Variants in PTK6 observed in about 807,000 individuals in gnomAD.
PTK6 encodes protein-tyrosine kinase 6.
In PTK6, 47 loss-of-function variants were observed where a neutral mutation model predicts 47.5. The observed-to-expected ratio is 0.99, with a 90% confidence interval of 0.78 to 1.26. The LOEUF is 1.26. Among genes scored for constraint, PTK6 ranks in the 50% most tolerant of loss-of-function variants. The pLI is 0.00. For synonymous variants in PTK6, 287 were observed against 276.5 expected (o/e 1.04, Z -0.38); for missense variants, 618 against 625.3 (o/e 0.99, Z 0.12).
At chr20:63,531,353 G>A (rs1403099529) in intron 5 of PTK6, among the ~76,000 whole-genome samples, 19 of 146,912 alleles carry the variant, frequency 1.3e-4, no homozygotes, top group African/African-American at 1.5e-4. Flanking sequence ...CCCGGGAGGC[G>A]GAGCTTGCAG....
chr20:63,532,726 C>T, intron 4 of PTK6, 39 bp from the exon 5 acceptor site: 3 of 1,597,270 alleles, frequency 1.9e-6, no homozygotes, highest in South Asian at 2.2e-5. Context: ...CAGCCCCTGA[C>T]CCCCCAGGCC....
chr20:63,532,880 CCCAGCCTGGCGTACCCACGGGGCT>C lies in PTK6; in HGVS notation c.671-217_671-194del, dbSNP rs1215297087. ...GCAGATGCAGCCGGCCCCACAGGGC[CCCAGCCTGGCGTACCCACGGGGCT>C]GTGGTGGCCACCCGATTTCTTCCTG... On this transcript the variant is annotated intron_variant, in intron 4 of 7. Transcript: ENST00000542869. Among the ~76,000 whole-genome samples, 12 of 152,314 alleles carry C rather than the reference CCCAGCCTGGCGTACCCACGGGGCT, an allele frequency of 7.9e-5. No homozygotes were observed. In the South Asian group the frequency reaches 2.5e-3, roughly 32 times the overall value.
At chr20:63,532,820 C>G (rs73150446) in intron 4 of PTK6, 133 bp from the exon 5 acceptor site, 34 of 1,236,594 alleles carry the variant, frequency 2.7e-5, no homozygotes, top group African/African-American at 6.1e-5. Context: ...CCTCCTGCCC[C>G]CGACAGGGCA....
Position 63,537,250 on chromosome 20 carries a change from C to T in PTK6, c.65G>A (p.Arg22Gln), listed in dbSNP as rs776091058. 6.2e-6 allele frequency: 10 copies of T among 1,612,240 alleles called. No homozygotes were observed. Among genetic ancestry groups the T allele is most frequent in the African/African-American group, 5.3e-5 (4 of 74,932 alleles). Residue 22 changes from arginine (R) to glutamine (Q), a missense_variant, in exon 1 of 8, where the codon CGG (arginine) becomes CAG (glutamine). Coordinates refer to ENST00000542869, the MANE Select transcript of PTK6 (RefSeq NM_005975.4). ...GCGGAAGCTCAGCTCCTCGTCCGTCCGGGACTTGAAGTCCCAGAGGCCCAC... is the reference window on the plus strand; with the variant it reads ...GCGGAAGCTCAGCTCCTCGTCCGTCTGGGACTTGAAGTCCCAGAGGCCCAC... ...KYVGLWDFKS[R>Q]TDEELSFRAG...
chr20:63,536,982 G>T (rs1036602911), intron 1 of PTK6, 103 bp downstream of exon 1: 2 of 1,261,282 alleles, frequency 1.6e-6, no homozygotes, highest in East Asian at 2.6e-5. Context: ...TGGAACCGGG[G>T]TCCCCACCTT....
chr20:63,532,763 CCA>C (rs1202200054), intron 4 of PTK6, 76 bp from the exon 5 acceptor site: 16 of 1,536,210 alleles, frequency 1.0e-5, no homozygotes, highest in Non-Finnish European at 1.3e-5. Flanking sequence ...GGCCCTGCCC[CCA>C]CACACAGCAG....
chr20:63,530,616 C>G lies in PTK6; in HGVS notation c.1014+130G>C, dbSNP rs982745519. The G allele has an allele frequency of 8.3e-7, 1 of 1,208,478 alleles. No individual in the cohort carries two copies. Among genetic ancestry groups the G allele is most frequent in the African/African-American group, 1.6e-5 (1 of 64,444 alleles). 74.9% of individuals were successfully genotyped at this position (1,208,478 alleles called of 1,614,324 possible). Reference sequence around the variant, plus strand: ...CACGGTGGCTTCCCACCTCCCTGCCCAGCCTGGGCTCCCGAGGGCAGGGGC... The same window carrying G: ...CACGGTGGCTTCCCACCTCCCTGCCGAGCCTGGGCTCCCGAGGGCAGGGGC... On this transcript the variant is annotated intron_variant, in intron 6 of 7. Transcript: ENST00000542869. The surrounding 1 kb of genome is among the most constrained non-coding windows in gnomAD (Gnocchi z 4.1).
chr20:63,534,833 T>C (rs1448152766), intron 2 of PTK6, 105 bp downstream of exon 2: 4 of 1,422,022 alleles, frequency 2.8e-6, no homozygotes, highest in South Asian at 1.4e-5. Context: ...GAGGAGCCCA[T>C]GTCCCCCGTC....
At chr20:63,532,808 G>T in intron 4 of PTK6, 121 bp from the exon 5 acceptor site, 1 of 1,307,266 alleles carries the variant, frequency 7.6e-7, no homozygotes, top group South Asian at 1.5e-5. Context: ...AGGACACACA[G>T]ACCTCCTGCC....
chr20:63,534,648 G>A (rs2082650134), intron 2 of PTK6, among the ~76,000 whole-genome samples: 1 of 152,142 alleles, frequency 6.6e-6, no homozygotes, highest in Admixed American at 6.5e-5. Context: ...GTCTCATGCT[G>A]GGCGAGGTTC....
rs6122470 is a variant in PTK6, at chr20:63,528,393, T to G, written c.*1143A>C. The G allele has an allele frequency of 6.7e-6, 1 of 150,276 alleles. No individual in the cohort carries two copies. Among genetic ancestry groups the G allele is most frequent in the Non-Finnish European group, 1.5e-5 (1 of 67,726 alleles). The allele number at this position is 150,276 out of a possible 1,614,324, so 9.3% of individuals were successfully genotyped here. ...CTTTCCAGAAACTCCCAAAATTATTTTTCTTTCTTTCTTTTTTTTTTTTTT... is the reference window on the plus strand; with the variant it reads ...CTTTCCAGAAACTCCCAAAATTATTGTTCTTTCTTTCTTTTTTTTTTTTTT... On this transcript the variant is annotated 3_prime_UTR_variant, in exon 8 of 8. Coordinates refer to ENST00000542869, the MANE Select transcript of PTK6 (RefSeq NM_005975.4).
rs377406653 is a variant in PTK6 at position 63,534,248 on chromosome 20, G to A, written c.420C>T (p.Asn140=). ...WRRAGGRLHL[N]EAVSFLSLPE... The stretch of plus-strand genomic sequence containing the variant: ...GCAGGCTGAGGAAGGACACCGCCTC[G>A]TTCAGGTGCAGCCGGCCCCCGGCAC... The change falls in exon 3 of 8, where the codon AAC becomes AAT. Residue 140 remains asparagine, a synonymous_variant. Coordinates refer to ENST00000542869, the MANE Select transcript of PTK6 (RefSeq NM_005975.4). 2.1e-5 allele frequency: 33 copies of A among 1,607,464 alleles called. No individual in the cohort carries two copies. Among genetic ancestry groups the A allele is most frequent in the Middle Eastern group, 1.7e-4 (1 of 6,010 alleles).
In PTK6 at chr20:63,533,850, T is replaced by C. The variant is rs983706440; in HGVS notation, c.517-146A>G. Reference sequence around the variant, plus strand: ...GGTTTCTGAGTGTCTGACACAAGGGTGGACTCTCCTGGGGGCTGCCCCCAG... The same window carrying C: ...GGTTTCTGAGTGTCTGACACAAGGGCGGACTCTCCTGGGGGCTGCCCCCAG... On this transcript the variant is annotated intron_variant, in intron 3 of 7. Coordinates refer to ENST00000542869, the MANE Select transcript of PTK6 (RefSeq NM_005975.4). The surrounding 1 kb of genome is among the most constrained non-coding windows in gnomAD (Gnocchi z 4.0). 3.3e-6 allele frequency: 4 copies of C among 1,196,426 alleles called. No homozygotes were observed. The African/African-American group carries it at 6.3e-5, about 19-fold the overall frequency. 74.1% of individuals were successfully genotyped at this position (1,196,426 alleles called of 1,614,324 possible).
At chr20:63,536,871 C>T (rs992684340) in intron 1 of PTK6, among the ~76,000 whole-genome samples, 6 of 152,242 alleles carry the variant, frequency 3.9e-5, no homozygotes, top group African/African-American at 1.4e-4. Context: ...CGTGCTCCAA[C>T]TCCCGCAGGG....
chr20:63,532,391 CTG>C (rs10679712), intron 5 of PTK6, 133 bp downstream of exon 5: 14 of 1,109,724 alleles, frequency 1.3e-5, no homozygotes, highest in African/African-American at 5.4e-5. Flanking sequence ...GTGTCTGTGT[CTG>C]TGTGTGCATG....
chr20:63,533,666 C>G lies in PTK6; in HGVS notation c.555G>C (p.Glu185Asp). The change falls in exon 4 of 8, where the codon GAG becomes GAC. Residue 185 changes from glutamate (E) to aspartate (D), a missense_variant. Coordinates refer to ENST00000542869, the MANE Select transcript of PTK6 (RefSeq NM_005975.4). The surrounding 1 kb of genome is among the most constrained non-coding windows in gnomAD (Gnocchi z 4.0). ...PEPLPHWDDW[E>D]RPREEFTLCR... ...AGAGCGTGAACTCCTCCCTCGGCCT[C>G]TCCCAGTCATCCCAATGGGGCAGGG... The G allele has an allele frequency of 1.2e-6, 2 of 1,613,870 alleles. No homozygotes were observed. The highest frequency in any genetic ancestry group is 8.5e-7 in the Non-Finnish European group (1 of 1,179,936).
chr20:63,536,723 G>A (rs747248588), intron 1 of PTK6, among the ~76,000 whole-genome samples: 3 of 152,176 alleles, frequency 2.0e-5, no homozygotes, highest in East Asian at 1.9e-4. Context: ...GGAACGCTCC[G>A]ACAGACCTTG....
chr20:63,531,160 G>A (rs377103985), intron 5 of PTK6, among the ~76,000 whole-genome samples: 13 of 152,100 alleles, frequency 8.5e-5, no homozygotes, highest in East Asian at 3.9e-4. Context: ...GGTGGCTCAC[G>A]CCTGTAATCC....
intron 5 of PTK6, among the ~76,000 whole-genome samples, chr20:63,531,736 C>T (rs564247294): frequency 2.6e-5 from 4 of 152,334 alleles, no homozygotes; most frequent in Non-Finnish European, 5.9e-5. Flanking sequence ...AGGCTCATGA[C>T]TGCGTGATGT....
Sources: gnomAD v4.1 joint callset for allele counts (sites outside exome capture counted in the v4.1 genomes callset) on GRCh38, gnomAD v4.1.1 for gene constraint, Gnocchi (gnomAD v3.1) non-coding constraint, MANE v1.5 for transcripts, NCBI Gene and HGNC (gene_info 2026-07-23, HGNC 2026-07-21) for gene names.